The following MAGI1 variants were observed in gnomAD, a reference collection of about 807,000 sequenced individuals.
MAGI1 encodes membrane associated guanylate kinase, WW and PDZ domain containing 1.
MAGI1 carries 58 observed loss-of-function variants against 139.9 expected under a neutral mutation model. That is an observed-to-expected ratio of 0.41 (90% CI 0.34 to 0.52). The LOEUF (loss-of-function observed/expected upper bound fraction) is 0.52, where lower values mean the gene tolerates loss of function less well. Among genes scored for constraint, MAGI1 ranks in the 20% least tolerant of loss-of-function variants. The pLI is 0.12. For synonymous variants in MAGI1, 812 were observed against 737.9 expected, an observed-to-expected ratio of 1.10 and a Z score of -1.63; for missense variants, 1,874 against 1,901.6, an observed-to-expected ratio of 0.99 and a Z score of 0.27.
intron 10 of MAGI1, among the ~76,000 whole-genome samples, chr3:65,434,387 G>C (rs1437972991): frequency 6.6e-6 from 1 of 152,078 alleles, no homozygotes; most frequent in African/African-American, 2.4e-5. Flanking sequence ...GTGGTGGAGG[G>C]GTAGCTGCAA....
intron 2 of MAGI1, among the ~76,000 whole-genome samples, chr3:65,588,348 C>T (rs1156759153): frequency 6.6e-6 from 1 of 152,126 alleles, no homozygotes; most frequent in African/African-American, 2.4e-5. Flanking sequence ...GGAGCGTTTG[C>T]ATTCAAAGGC....
At chr3:65,952,639 C>T (rs2063921301) in intron 1 of MAGI1, among the ~76,000 whole-genome samples, 1 of 152,098 alleles carries the variant, frequency 6.6e-6, no homozygotes, top group Admixed American at 6.6e-5. Flanking sequence ...ACAGTAAAAC[C>T]CCATCTCTAC....
Position 65,624,631 on chromosome 3 carries a change from C to T in MAGI1, c.314-2543G>A, listed in dbSNP as rs572141125. 1.4e-4 allele frequency among the ~76,000 whole-genome samples: 21 copies of T among 152,122 alleles called. No homozygotes were observed. The South Asian group carries it at 2.9e-3, about 21-fold the overall frequency. On this transcript the variant is annotated intron_variant, in intron 1 of 22. Transcript: ENST00000402939. ...AAAACAGTTCAGTTGTTACAGAGAG[C>T]GGAAGGTAGGCAAAAACTGACTGCA...
chr3:65,802,151 C>T (rs1004129720), intron 1 of MAGI1, among the ~76,000 whole-genome samples: 1 of 152,132 alleles, frequency 6.6e-6, no homozygotes, highest in Non-Finnish European at 1.5e-5. Context: ...GGGACCACTG[C>T]CCTAAAACAT....
chr3:65,539,002 T>C (rs75729567), intron 2 of MAGI1, among the ~76,000 whole-genome samples: 2 of 116,692 alleles, frequency 1.7e-5, no homozygotes, highest in South Asian at 2.5e-4. Flanking sequence ...ACCAGAAACA[T>C]GTACCAACTA....
At chr3:65,846,619 C>T (rs1283541527) in intron 1 of MAGI1, among the ~76,000 whole-genome samples, 1 of 152,146 alleles carries the variant, frequency 6.6e-6, no homozygotes, top group African/African-American at 2.4e-5. Context: ...ATGTTTTGAG[C>T]ACACACTCTG....
chr3:65,485,335 T>C (rs973481670), intron 3 of MAGI1, among the ~76,000 whole-genome samples: 1 of 152,180 alleles, frequency 6.6e-6, no homozygotes, highest in African/African-American at 2.4e-5. Context: ...GTTCTATAAT[T>C]AGCAGTTTGT....
At chr3:65,715,868 G>GATTTGTAA (rs996217678) in intron 1 of MAGI1, among the ~76,000 whole-genome samples, 1 of 152,184 alleles carries the variant, frequency 6.6e-6, no homozygotes, top group African/African-American at 2.4e-5. Flanking sequence ...TTCCGTTTTG[G>GATTTGTAA]ATTTGTAAAT....
intron 1 of MAGI1, among the ~76,000 whole-genome samples, chr3:65,768,383 G>A (rs539942280): frequency 6.6e-6 from 1 of 152,128 alleles, no homozygotes; most frequent in African/African-American, 2.4e-5. Context: ...TCACGCCACT[G>A]GACTCCAACC....
In MAGI1 at chr3:65,598,373, G is replaced by A. The variant is rs72902273; in HGVS notation, c.430+23599C>T. On this transcript the variant is annotated intron_variant, in intron 2 of 22. Transcript: ENST00000402939. ...TGCTGGAGGCTGAGTGCATGAGTGG[G>A]TGGGTGAGGGCGAGGGAAGGGGCGT... is the stretch of plus-strand genomic sequence containing the variant. Among the ~76,000 whole-genome samples, 416 of 152,290 alleles carry A rather than the reference G, an allele frequency of 2.7e-3. 2 individuals are homozygous for A. Among genetic ancestry groups the A allele is most frequent in the African/African-American group, 9.2e-3 (383 of 41,578 alleles).
intron 1 of MAGI1, among the ~76,000 whole-genome samples, chr3:65,668,795 A>T (rs1175715324): frequency 1.3e-5 from 2 of 151,496 alleles, no homozygotes; most frequent in Non-Finnish European, 2.9e-5. Flanking sequence ...CTTGTGATCC[A>T]CCTGCCTCGA....
chr3:65,764,444 T>C (rs970125544), intron 1 of MAGI1, among the ~76,000 whole-genome samples: 2 of 152,242 alleles, frequency 1.3e-5, no homozygotes, highest in Admixed American at 6.5e-5. Context: ...GCTGATATTC[T>C]ATTTTACTAT....
At chr3:65,502,638 T>A (rs1047375799) in intron 2 of MAGI1, among the ~76,000 whole-genome samples, 1 of 152,208 alleles carries the variant, frequency 6.6e-6, no homozygotes, top group Non-Finnish European at 1.5e-5. Context: ...TTTTGCTGTA[T>A]CTTCACATGG....
intron 1 of MAGI1, among the ~76,000 whole-genome samples, chr3:65,662,408 C>A (rs2086250840): frequency 6.6e-6 from 1 of 152,226 alleles, no homozygotes; most frequent in Non-Finnish European, 1.5e-5. Flanking sequence ...GTAGCAACTA[C>A]TTGATTCTGC....
At chr3:65,796,117 C>T (rs1020068337) in intron 1 of MAGI1, among the ~76,000 whole-genome samples, 15 of 151,092 alleles carry the variant, frequency 9.9e-5, no homozygotes, top group African/African-American at 2.7e-4. Flanking sequence ...CGGAGGATGG[C>T]GAGTCCAAAA....
intron 2 of MAGI1, among the ~76,000 whole-genome samples, chr3:65,605,521 T>G (rs1305833258): frequency 6.6e-6 from 1 of 152,154 alleles, no homozygotes; most frequent in Non-Finnish European, 1.5e-5. Flanking sequence ...CTCTTCTTCC[T>G]GCAGACAGAC....
intron 16 of MAGI1, chr3:65,380,940 G>T (rs889037229): frequency 1.3e-4 from 20 of 151,480 alleles, no homozygotes; most frequent in African/African-American, 4.8e-4. Context: ...TTTTTTAAAA[G>T]AAGTTACCAA....
At chr3:65,368,792 A>G (rs911660216) in intron 18 of MAGI1, among the ~76,000 whole-genome samples, 2 of 152,248 alleles carry the variant, frequency 1.3e-5, no homozygotes, top group Middle Eastern at 3.2e-3. Flanking sequence ...TACCTCCTAC[A>G]TAAGCAAATA....
At chr3:66,037,016 G>T (rs543850961) in intron 1 of MAGI1, among the ~76,000 whole-genome samples, 35 of 152,180 alleles carry the variant, frequency 2.3e-4, no homozygotes, top group African/African-American at 7.7e-4. Flanking sequence ...CCCTCCTCAG[G>T]AATCAGCCCC....
Sources: gnomAD v4.1 joint callset for allele counts (sites outside exome capture counted in the v4.1 genomes callset) on GRCh38, gnomAD v4.1.1 for gene constraint, MANE v1.5 for transcripts, NCBI Gene and HGNC (gene_info 2026-07-23, HGNC 2026-07-21) for gene names.